TLL2: variants seen among roughly 807,000 people sequenced by gnomAD.
TLL2 encodes tolloid-like protein 2.
TLL2 carries 106 observed loss-of-function variants against 123.0 expected under a neutral mutation model. The observed-to-expected ratio is 0.86, with a 90% CI of 0.74 to 1.01. The LOEUF (loss-of-function observed/expected upper bound fraction) is 1.01. Among genes scored for constraint, TLL2 ranks in the 50% least tolerant of loss-of-function variants. The pLI, the probability that TLL2 is intolerant of heterozygous loss-of-function variation, is 0.00. For missense variants in TLL2, 1,332 were observed against 1,336.7 expected (o/e 1.00, Z 0.06); for synonymous variants, 494 against 516.8 (o/e 0.96, Z 0.60).
intron 1 of TLL2, among the ~76,000 whole-genome samples, chr10:96,509,901 C>G (rs1012232224): frequency 1.3e-5 from 2 of 152,214 alleles, no homozygotes; most frequent in East Asian, 3.8e-4. Context: ...GAGCCGAGAT[C>G]AGGCCACTGC....
chr10:96,459,887 T>C (rs941068550), intron 2 of TLL2, among the ~76,000 whole-genome samples: 7 of 150,980 alleles, frequency 4.6e-5, no homozygotes, highest in Admixed American at 1.3e-4. Context: ...GTATCAGTCC[T>C]ACCCCAAAAT....
At chr10:96,373,847 G>C (rs1254669653) in intron 18 of TLL2, 38 bp from the exon 19 acceptor site, 2 of 1,593,110 alleles carry the variant, frequency 1.3e-6, no homozygotes, top group African/African-American at 2.7e-5. Flanking sequence ...CAAGGGCCTG[G>C]CGTTCAGCTG....
chr10:96,424,255 C>G (rs1019345074), intron 5 of TLL2, among the ~76,000 whole-genome samples: 5 of 151,852 alleles, frequency 3.3e-5, no homozygotes, highest in Non-Finnish European at 5.9e-5. Flanking sequence ...ACCAAAAAAA[C>G]AGAGTGACTA....
chr10:96,483,637 T>C (rs1286181176), intron 1 of TLL2, among the ~76,000 whole-genome samples: 2 of 152,220 alleles, frequency 1.3e-5, no homozygotes. Context: ...GATCTTGGAC[T>C]TGGAGCCTGG....
chr10:96,406,673 A>C (rs931352596), intron 9 of TLL2, among the ~76,000 whole-genome samples: 1 of 151,958 alleles, frequency 6.6e-6, no homozygotes, highest in Non-Finnish European at 1.5e-5. Context: ...CCCAGAGCTT[A>C]TCCTTTCTGG....
intron 3 of TLL2, among the ~76,000 whole-genome samples, chr10:96,444,794 G>T (rs1846880146): frequency 6.6e-6 from 1 of 152,194 alleles, no homozygotes; most frequent in South Asian, 2.1e-4. Context: ...AAGTATATAT[G>T]TAAAAATGTA....
chr10:96,449,374 C>T (rs968508167), intron 2 of TLL2, among the ~76,000 whole-genome samples: 1 of 152,182 alleles, frequency 6.6e-6, no homozygotes, highest in Non-Finnish European at 1.5e-5. Context: ...AGGCATTGCC[C>T]ATCCAGGAGG....
At chr10:96,413,887 G>C (rs1380290953) in intron 7 of TLL2, among the ~76,000 whole-genome samples, 1 of 152,122 alleles carries the variant, frequency 6.6e-6, no homozygotes, top group African/African-American at 2.4e-5. Context: ...CCCTGGACTA[G>C]AGATTTCTAC....
chr10:96,461,663 A>G (rs963372467), intron 2 of TLL2, among the ~76,000 whole-genome samples: 1 of 152,182 alleles, frequency 6.6e-6, no homozygotes, highest in South Asian at 2.1e-4. Context: ...TGCAACCCTG[A>G]TGAAAATCCT....
rs748063696 is a variant in TLL2 at position 96,421,008 on chromosome 10, C to G, written c.871G>C (p.Glu291Gln). 2.5e-6 allele frequency: 4 copies of G among 1,614,010 alleles called. No individual in the cohort carries two copies. In the Admixed American group the frequency reaches 5.0e-5, roughly 20 times the overall value. ...MEAGEVSSLG[E>Q]TYDFDSIMHY... is the part of the protein sequence containing the mutation. ...ATGATGCTGTCAAAGTCGTATGTCT[C>G]TCCCAGAGAGCTCACTTCCCCAGCT... The change falls in exon 7 of 21, where the codon GAG becomes CAG. Residue 291 changes from glutamate (E) to glutamine (Q), a missense_variant. Transcript: ENST00000357947.
intron 18 of TLL2, 145 bp downstream of exon 18, chr10:96,376,547 A>G (rs1360274072): frequency 3.4e-6 from 3 of 870,318 alleles, no homozygotes; most frequent in Non-Finnish European, 5.1e-6. Context: ...ATTAGTATCC[A>G]TGTTTTCCAG....
Position 96,477,032 on chromosome 10 carries a change from CTTTT to C in TLL2, c.286+3313_286+3316del, listed in dbSNP as rs10615764. The stretch of plus-strand genomic sequence containing the variant: ...CTTTATACAATTATGAGCTACTGGA[CTTTT>C]TTTTTTTTTTTTTTTTTTACAACAA... On this transcript the variant is annotated intron_variant, in intron 2 of 20. Transcript: ENST00000357947. Among the ~76,000 whole-genome samples the C allele has an allele frequency of 7.1e-3, 784 of 110,790 alleles. 10 individuals are homozygous for C. Among genetic ancestry groups the C allele is most frequent in the African/African-American group, 0.023 (676 of 29,428 alleles). 72.7% of individuals were successfully genotyped at this position (110,790 alleles called of 152,430 possible). A position where few individuals can be genotyped will look rare whatever the true frequency, so the allele number is the denominator to read the frequency against.
intron 10 of TLL2, among the ~76,000 whole-genome samples, chr10:96,401,953 C>T (rs550191878): frequency 6.6e-6 from 1 of 152,288 alleles, no homozygotes; most frequent in South Asian, 2.1e-4. Context: ...CAGCAGTCAC[C>T]TCTCCCCTTC....
chr10:96,432,899 A>G lies in TLL2; in HGVS notation c.428T>C (p.Phe143Ser). ...TGTGGCTCTTCGGACCCGGGGAGAGAAGGTCTTGGCTGCGGCATGCAAGGT... is the reference window on the plus strand; with the variant it reads ...TGTGGCTCTTCGGACCCGGGGAGAGGAGGTCTTGGCTGCGGCATGCAAGGT... ...PGTLHAAAKT[F>S]SPRVRRATTS... The change falls in exon 4 of 21, where the codon TTC becomes TCC. Residue 143 changes from phenylalanine (F) to serine (S), a missense_variant. Coordinates refer to ENST00000357947, the MANE Select transcript of TLL2 (RefSeq NM_012465.4). 1 of 1,613,960 alleles carries G rather than the reference A, an allele frequency of 6.2e-7. No homozygotes were observed. Among genetic ancestry groups the G allele is most frequent in the Non-Finnish European group, 8.5e-7 (1 of 1,179,972 alleles).
intron 2 of TLL2, among the ~76,000 whole-genome samples, chr10:96,466,907 C>T (rs920120408): frequency 2.0e-5 from 3 of 152,190 alleles, no homozygotes; most frequent in Non-Finnish European, 2.9e-5. Context: ...TCCAGCACTC[C>T]ATTTTATAGA....
rs1463015548 is a variant in TLL2 at position 96,410,369 on chromosome 10, G to A, written c.1154C>T (p.Pro385Leu). ...SHCVWRISVTPGEKIVLNFTS... is the reference protein window; with the variant it reads ...SHCVWRISVTLGEKIVLNFTS... ...GGGCTTCCCACCTACCTTTTCCCCT[G>A]GGGTGACCGAGATCCTCCAGACGCA... The change falls in exon 9 of 21, where the codon CCA (proline) becomes CTA (leucine). Residue 385 changes from proline to leucine, a missense_variant. Physicochemically the swap from Pro to Leu is moderately conservative, Grantham distance 98. Transcript: ENST00000357947. 3 of 1,612,872 alleles carry A rather than the reference G, an allele frequency of 1.9e-6. No individual in the cohort carries two copies. Among genetic ancestry groups the A allele is most frequent in the Non-Finnish European group, 1.7e-6 (2 of 1,179,852 alleles).
intron 9 of TLL2, among the ~76,000 whole-genome samples, chr10:96,406,945 C>T (rs1451659666): frequency 1.3e-5 from 2 of 152,086 alleles, no homozygotes; most frequent in South Asian, 2.1e-4. Flanking sequence ...AACCCCATCT[C>T]GCTCCTCCTG....
intron 10 of TLL2, among the ~76,000 whole-genome samples, chr10:96,404,355 T>C (rs1330777573): frequency 1.3e-5 from 2 of 152,192 alleles, no homozygotes; most frequent in Non-Finnish European, 2.9e-5. Context: ...ATGGGTGAGT[T>C]CATGCCCTGT....
At chr10:96,447,330 AAG>A (rs2134087827) in intron 2 of TLL2, among the ~76,000 whole-genome samples, 1 of 152,378 alleles carries the variant, frequency 6.6e-6, no homozygotes, top group African/African-American at 2.4e-5. Context: ...AGAGGGTTTA[AAG>A]CATGAGAGGA....
Sources: allele counts gnomAD v4.1 joint callset (sites outside exome capture counted in the v4.1 genomes callset), GRCh38; gene constraint gnomAD v4.1.1; transcripts MANE v1.5; gene names NCBI Gene and HGNC (gene_info 2026-07-23, HGNC 2026-07-21).